JOSD1: variants seen among roughly 807,000 people sequenced by gnomAD.
JOSD1 encodes the protein josephin-1.
A neutral mutation model predicts 24.3 loss-of-function variants in JOSD1; 11 were observed. That is an observed-to-expected ratio of 0.45 (90% CI 0.29 to 0.75). JOSD1 has a LOEUF of 0.75. Among genes scored for constraint, JOSD1 ranks in the 30% least tolerant of loss-of-function variants. The pLI is 0.11. For missense variants in JOSD1, 184 were observed against 253.5 expected (o/e 0.73, Z 1.86); for synonymous variants, 106 against 93.8 (o/e 1.13, Z -0.75).
intron 2 of JOSD1, among the ~76,000 whole-genome samples, chr22:38,690,008 A>G (rs149021190): frequency 1.9e-3 from 284 of 152,140 alleles, no homozygotes; most frequent in Non-Finnish European, 3.1e-3. Flanking sequence ...AATTTGTGCC[A>G]GGCAAACAAA....
intron 2 of JOSD1, among the ~76,000 whole-genome samples, chr22:38,693,470 A>G (rs2092532107): frequency 6.6e-6 from 1 of 152,182 alleles, no homozygotes; most frequent in South Asian, 2.1e-4. Context: ...CCCTTTGTAT[A>G]TATAGGAACT....
In JOSD1 at chr22:38,700,637, C is replaced by T. The variant is rs1156740565; in HGVS notation, c.-631-19G>A. 14 of 984,752 alleles carry T rather than the reference C, an allele frequency of 1.4e-5. No homozygotes were observed. The highest frequency in any genetic ancestry group is 1.7e-5 in the Non-Finnish European group (14 of 829,440). The allele number at this position is 984,752 out of a possible 1,614,324, so 61.0% of individuals were successfully genotyped here. A position where few individuals can be genotyped will look rare whatever the true frequency, so the allele number is the denominator to read the frequency against. On this transcript the variant is annotated intron_variant, in intron 1 of 4. Coordinates refer to ENST00000683374, the MANE Select transcript of JOSD1 (RefSeq NM_001360236.2). The stretch of plus-strand genomic sequence containing the variant: ...CGCGGCCCTGCGGAGGAGGAGACAA[C>T]TCCGGTCAGCGGCGAGCGGGCGCGG...
Position 38,700,232 on chromosome 22 carries a change from G to T in JOSD1, c.-245C>A. 1 of 1,188,842 alleles carries T rather than the reference G, an allele frequency of 8.4e-7. No homozygotes were observed. Among genetic ancestry groups the T allele is most frequent in the East Asian group, 4.1e-5 (1 of 24,548 alleles). 73.6% of individuals were successfully genotyped at this position (1,188,842 alleles called of 1,614,324 possible). A position where few individuals can be genotyped will look rare whatever the true frequency, so the allele number is the denominator to read the frequency against. On this transcript the variant is annotated 5_prime_UTR_variant, in exon 2 of 5. Coordinates refer to ENST00000683374, the MANE Select transcript of JOSD1 (RefSeq NM_001360236.2). The stretch of plus-strand genomic sequence containing the variant: ...CTTTTATTTTGCTACCACTGTCAAA[G>T]TGCAGAATTTAAAAAAACACATAAA...
chr22:38,697,114 G>C (rs1390950582), intron 2 of JOSD1, among the ~76,000 whole-genome samples: 1 of 152,222 alleles, frequency 6.6e-6, no homozygotes, highest in African/African-American at 2.4e-5. Flanking sequence ...GCTGAGGCCT[G>C]TTCGACTCGT....
upstream of JOSD1, chr22:38,701,342 C>G (rs1454242895): frequency 1.3e-5 from 2 of 152,400 alleles, no homozygotes; most frequent in Non-Finnish European, 2.9e-5. Flanking sequence ...CGGCTTTCAG[C>G]ACCCCTCCCT....
chr22:38,689,087 G>C lies in JOSD1; in HGVS notation c.357C>G (p.Ile119Met). ...AGCATAGGCTGGAGGGCAGATTCATGATGAAGCCCATGACGTTAGTGAGGG... is the reference window on the plus strand; with the variant it reads ...AGCATAGGCTGGAGGGCAGATTCATCATGAAGCCCATGACGTTAGTGAGGG... ...VIALTNVMGF[I>M]MNLPSSLCWG... Residue 119 changes from isoleucine (I) to methionine (M), a missense_variant, in exon 4 of 5, where the codon ATC becomes ATG. By Grantham distance (10) the Ile-to-Met change is conservative. Transcript: ENST00000683374. The C allele has an allele frequency of 2.5e-6, 4 of 1,614,210 alleles. No individual in the cohort carries two copies. Among genetic ancestry groups the C allele is most frequent in the Non-Finnish European group, 3.4e-6 (4 of 1,180,046 alleles).
Position 38,689,285 on chromosome 22 carries a change from A to T in JOSD1, c.314+11T>A. The T allele has an allele frequency of 6.2e-7, 1 of 1,614,256 alleles. No homozygotes were observed. The highest frequency in any genetic ancestry group is 8.5e-7 in the Non-Finnish European group (1 of 1,180,040). On this transcript the variant is annotated intron_variant, in intron 3 of 4. Coordinates refer to ENST00000683374, the MANE Select transcript of JOSD1 (RefSeq NM_001360236.2). ...GCTGTTCTCCATCAAGTCAAGCCTG[A>T]TTCAGATTACCTGCGCTTGTCCCAC...
intron 2 of JOSD1, among the ~76,000 whole-genome samples, chr22:38,690,913 C>G (rs1276905461): frequency 6.6e-6 from 1 of 152,008 alleles, no homozygotes; most frequent in African/African-American, 2.4e-5. Context: ...CTCAACTACT[C>G]AGGAGACTGA....
At chr22:38,689,175 A>T in intron 3 of JOSD1, 46 bp from the exon 4 acceptor site, 1 of 1,602,394 alleles carries the variant, frequency 6.2e-7, no homozygotes, top group South Asian at 1.1e-5. Flanking sequence ...CCCATTTTCC[A>T]AGGTTCCCTG....
chr22:38,697,132 A>C (rs1345377333), intron 2 of JOSD1, among the ~76,000 whole-genome samples: 1 of 152,180 alleles, frequency 6.6e-6, no homozygotes, highest in African/African-American at 2.4e-5. Context: ...CGTTTTCTCT[A>C]TGGTGCCTCA....
intron 3 of JOSD1, 68 bp from the exon 4 acceptor site, chr22:38,689,197 A>G (rs1336032795): frequency 6.2e-7 from 1 of 1,600,578 alleles, no homozygotes; most frequent in Non-Finnish European, 8.5e-7. Context: ...CTGTAATACC[A>G]CAACTGGCTA....
rs143256364 is a variant in JOSD1, at chr22:38,689,107, T to G, written c.337A>C (p.Thr113Pro). ...TTCATGATGAAGCCCATGACGTTAG[T>G]GAGGGCAATGACACCGACATCCCTG... The part of the protein sequence containing the change: ...KRRDVGVIAL[T>P]NVMGFIMNLP... The change falls in exon 4 of 5, where the codon ACT becomes CCT. Residue 113 changes from threonine (T) to proline (P), a missense_variant. Transcript: ENST00000683374. 1.2e-6 allele frequency: 2 copies of G among 1,613,976 alleles called. No homozygotes were observed. The highest frequency in any genetic ancestry group is 2.7e-5 in the African/African-American group (2 of 75,030).
At chr22:38,691,380 A>AC (rs886823206) in intron 2 of JOSD1, among the ~76,000 whole-genome samples, 38 of 151,000 alleles carry the variant, frequency 2.5e-4, no homozygotes, top group Non-Finnish European at 4.7e-4. Flanking sequence ...AAAAAAAAAA[A>AC]CCCACAGAAT....
chr22:38,692,069 C>A (rs1011441741), intron 2 of JOSD1, among the ~76,000 whole-genome samples: 5 of 152,206 alleles, frequency 3.3e-5, no homozygotes, highest in Non-Finnish European at 7.3e-5. Flanking sequence ...ATCTCCAGGG[C>A]TAGCAAAGAA....
chr22:38,691,352 G>C (rs1471911096), intron 2 of JOSD1, among the ~76,000 whole-genome samples: 3 of 143,302 alleles, frequency 2.1e-5, no homozygotes, highest in Non-Finnish European at 1.5e-5. Flanking sequence ...GTAAGACCCT[G>C]TCTCAAAAAA....
intron 2 of JOSD1, among the ~76,000 whole-genome samples, chr22:38,693,080 G>T (rs1291806207): frequency 1.3e-5 from 2 of 152,148 alleles, no homozygotes; most frequent in African/African-American, 4.8e-5. Context: ...TACAATAACA[G>T]CTGAATGAAC....
Position 38,695,425 on chromosome 22 carries a change from C to A in JOSD1, c.185+4378G>T, listed in dbSNP as rs1473992492. The stretch of plus-strand genomic sequence containing the variant: ...TTCATTAGATTTTTTTCCCTTGATA[C>A]CAAGCTACTTTTTGCCTAGTTTTTT... On this transcript the variant is annotated intron_variant, in intron 2 of 4. Transcript: ENST00000683374. Among the ~76,000 whole-genome samples, 6 of 150,150 alleles carry A rather than the reference C, an allele frequency of 4.0e-5. No homozygotes were observed. The East Asian group carries it at 1.2e-3, about 29-fold the overall frequency.
intron 2 of JOSD1, among the ~76,000 whole-genome samples, chr22:38,693,358 C>A (rs2092531667): frequency 6.6e-6 from 1 of 152,224 alleles, no homozygotes; most frequent in Non-Finnish European, 1.5e-5. Flanking sequence ...ACCTTGACTT[C>A]TGAAACAGAT....
chr22:38,695,833 G>C (rs1265395723), intron 2 of JOSD1, among the ~76,000 whole-genome samples: 1 of 152,110 alleles, frequency 6.6e-6, no homozygotes, highest in Non-Finnish European at 1.5e-5. Context: ...CAAGGTGGGT[G>C]GATCACGAGG....
Sources: gnomAD v4.1 joint callset for allele counts (sites outside exome capture counted in the v4.1 genomes callset) on GRCh38, gnomAD v4.1.1 for gene constraint, MANE v1.5 for transcripts, NCBI Gene and HGNC (gene_info 2026-07-23, HGNC 2026-07-21) for gene names.